Variants in PTPRU observed in about 807,000 individuals in gnomAD.
PTPRU encodes receptor-type tyrosine-protein phosphatase U.
Under a neutral mutation model 166.3 loss-of-function variants are expected in PTPRU, and 69 were observed. That is an observed-to-expected ratio of 0.41 (90% CI 0.34 to 0.51). The LOEUF is 0.51. PTPRU is among the 20% of genes least tolerant of loss of function. The probability of loss-of-function intolerance (pLI) is 0.09; values close to 1 mark genes in which losing one functional copy is unlikely to be tolerated. For synonymous variants in PTPRU, 793 were observed against 814.0 expected (o/e 0.97, Z 0.44); for missense variants, 1,657 against 2,013.7 (o/e 0.82, Z 3.39).
chr1:29,245,367 C>A (rs1201758735), intron 1 of PTPRU, among the ~76,000 whole-genome samples: 3 of 152,080 alleles, frequency 2.0e-5, no homozygotes, highest in Non-Finnish European at 2.9e-5. Flanking sequence ...GTGGGGTGAG[C>A]CAGCGTGGCC....
intron 1 of PTPRU, among the ~76,000 whole-genome samples, chr1:29,246,492 A>G (rs1684303768): frequency 6.6e-6 from 1 of 152,232 alleles, no homozygotes; most frequent in African/African-American, 2.4e-5. Flanking sequence ...GCATTCGTGC[A>G]CTGCACAGGA....
chr1:29,305,569 C>T, intron 18 of PTPRU, 141 bp downstream of exon 18: 1 of 888,570 alleles, frequency 1.1e-6, no homozygotes, highest in South Asian at 1.3e-5. Context: ...CAGTCAGTGC[C>T]AGGGAGCTCA....
At chr1:29,255,522 C>A in intron 2 of PTPRU, 116 bp downstream of exon 2, 2 of 1,417,996 alleles carry the variant, frequency 1.4e-6, no homozygotes, top group Non-Finnish European at 9.8e-7. Context: ...TCTACATTTG[C>A]ATCTTTAATG....
chr1:29,250,628 A>G (rs1684506681), intron 1 of PTPRU, among the ~76,000 whole-genome samples: 1 of 152,220 alleles, frequency 6.6e-6, no homozygotes, highest in South Asian at 2.1e-4. Context: ...ATTGATGTGT[A>G]TATGTGCATG....
chr1:29,279,903 C>T lies in PTPRU; in HGVS notation c.1766-136C>T. On this transcript the variant is annotated intron_variant, in intron 10 of 29. Transcript: ENST00000373779. This position sits in a 1 kb window ranked among gnomAD's most constrained non-coding sequence, Gnocchi z 5.2. ...CCTGAGGTCAGGGGCCAGGGTAGCTCAGGTCATGTCAGCAGGAACAAAGAG... is the reference window on the plus strand; with the variant it reads ...CCTGAGGTCAGGGGCCAGGGTAGCTTAGGTCATGTCAGCAGGAACAAAGAG... 9.9e-7 allele frequency: 1 copy of T among 1,012,462 alleles called. No homozygotes were observed. The highest frequency in any genetic ancestry group is 1.5e-6 in the Non-Finnish European group (1 of 685,524). The allele number at this position is 1,012,462 out of a possible 1,614,324, so 62.7% of individuals were successfully genotyped here. A position where few individuals can be genotyped will look rare whatever the true frequency, so the allele number is the denominator to read the frequency against.
intron 25 of PTPRU, among the ~76,000 whole-genome samples, chr1:29,319,794 T>G (rs1557488413): frequency 6.6e-6 from 1 of 150,404 alleles, no homozygotes; most frequent in Non-Finnish European, 1.5e-5. Flanking sequence ...TGCCAGCCCC[T>G]AGGTCAGGAG....
chr1:29,249,654 G>A (rs998450214), intron 1 of PTPRU, among the ~76,000 whole-genome samples: 1 of 152,178 alleles, frequency 6.6e-6, no homozygotes, highest in African/African-American at 2.4e-5. Flanking sequence ...TGTGATTGGA[G>A]GGTGTGCCGT....
chr1:29,261,621 C>G (rs1322254828), intron 7 of PTPRU, among the ~76,000 whole-genome samples: 1 of 152,186 alleles, frequency 6.6e-6, no homozygotes. Flanking sequence ...CCTCCGCCTC[C>G]TGGGTTCAAG....
Position 29,260,668 on chromosome 1 carries a change from C to G in PTPRU, c.909C>G (p.Ile303Met). The change falls in exon 7 of 30, where the codon ATC (isoleucine) becomes ATG (methionine). Residue 303 changes from isoleucine to methionine, a missense_variant. By Grantham distance (10) the Ile-to-Met change is conservative. Transcript: ENST00000373779. This position sits in a 1 kb window ranked among gnomAD's most constrained non-coding sequence, Gnocchi z 8.3. ...TGCGTGCTGGCCCCACCTACCTCAT[C>G]ATCCAGCTCAACACCAACTCCATCA... ...QLLRAGPTYL[I>M]IQLNTNSIIG... 1.3e-6 allele frequency: 2 copies of G among 1,541,714 alleles called. No individual in the cohort carries two copies. The highest frequency in any genetic ancestry group is 1.8e-6 in the Non-Finnish European group (2 of 1,140,792).
intron 18 of PTPRU, among the ~76,000 whole-genome samples, chr1:29,308,037 A>G (rs907456330): frequency 6.6e-6 from 1 of 152,048 alleles, no homozygotes; most frequent in African/African-American, 2.4e-5. Context: ...GATTACAGGC[A>G]TGAGCCACCA....
intron 25 of PTPRU, among the ~76,000 whole-genome samples, chr1:29,319,486 G>C (rs1225237290): frequency 6.6e-6 from 1 of 152,234 alleles, no homozygotes; most frequent in African/African-American, 2.4e-5. Flanking sequence ...TTCTCAGACA[G>C]GCCCTGAACT....
intron 15 of PTPRU, among the ~76,000 whole-genome samples, chr1:29,293,720 T>A (rs970856986): frequency 2.6e-5 from 4 of 151,314 alleles, no homozygotes; most frequent in African/African-American, 9.7e-5. Flanking sequence ...GTGATCCACC[T>A]GCCTCGACCT....
Position 29,291,765 on chromosome 1 carries a change from G to C in PTPRU, c.2319-104G>C. ...AGAGATGCTTCTAGGACAGCTGCTG[G>C]CTCCTGGCCTTGAGGTCCCCTTACT... On this transcript the variant is annotated intron_variant, in intron 14 of 29. Coordinates refer to ENST00000373779, the MANE Select transcript of PTPRU (RefSeq NM_133178.4). This position sits in a 1 kb window ranked among gnomAD's most constrained non-coding sequence, Gnocchi z 4.1. The C allele has an allele frequency of 8.2e-7, 1 of 1,221,082 alleles. No homozygotes were observed. The highest frequency in any genetic ancestry group is 1.2e-6 in the Non-Finnish European group (1 of 868,150). 75.6% of individuals were successfully genotyped at this position (1,221,082 alleles called of 1,614,324 possible).
chr1:29,305,662 A>T, intron 18 of PTPRU: 7 of 711,058 alleles, frequency 9.8e-6, no homozygotes, highest in Non-Finnish European at 1.8e-5. Context: ...GCTTTAGAGA[A>T]GCAAAGCAAA....
chr1:29,270,197 T>C (rs893840044), intron 7 of PTPRU, among the ~76,000 whole-genome samples: 2 of 152,158 alleles, frequency 1.3e-5, no homozygotes, highest in African/African-American at 4.8e-5. Flanking sequence ...TACTATAGAC[T>C]GGTAATGACT....
intron 14 of PTPRU, among the ~76,000 whole-genome samples, chr1:29,287,613 T>A (rs78414036): frequency 5.3e-5 from 8 of 150,790 alleles, no homozygotes; most frequent in Admixed American, 1.3e-4. Flanking sequence ...TTTTTTTTTT[T>A]AAATGGACTC....
intron 18 of PTPRU, among the ~76,000 whole-genome samples, chr1:29,307,745 T>G (rs1687458550): frequency 7.0e-6 from 1 of 141,942 alleles, no homozygotes; most frequent in Non-Finnish European, 1.5e-5. Flanking sequence ...TTTTAAATAT[T>G]ATGCTTTTTT....
At chr1:29,290,280 T>C (rs1174951076) in intron 14 of PTPRU, among the ~76,000 whole-genome samples, 1 of 152,194 alleles carries the variant, frequency 6.6e-6, no homozygotes, top group Non-Finnish European at 1.5e-5. Flanking sequence ...CCAAGCCCTG[T>C]GCTCAGTTCT....
Position 29,325,709 on chromosome 1 carries a change from C to A in PTPRU, c.*48C>A, listed in dbSNP as rs1283883161. Reference sequence around the variant, plus strand: ...CACTGCACACTCAGGGCCAGACCCACCATCCTGGACTGGCGAGGAAGATCA... The same window carrying A: ...CACTGCACACTCAGGGCCAGACCCAACATCCTGGACTGGCGAGGAAGATCA... On this transcript the variant is annotated 3_prime_UTR_variant, in exon 30 of 30. Transcript: ENST00000373779. 9 of 1,495,112 alleles carry A rather than the reference C, an allele frequency of 6.0e-6. No individual in the cohort carries two copies. In the South Asian group the frequency reaches 1.1e-4, roughly 19 times the overall value. 92.6% of individuals were successfully genotyped at this position (1,495,112 alleles called of 1,614,324 possible).
Sources: gnomAD v4.1 joint callset for allele counts (sites outside exome capture counted in the v4.1 genomes callset) on GRCh38, gnomAD v4.1.1 for gene constraint, Gnocchi (gnomAD v3.1) non-coding constraint, MANE v1.5 for transcripts, NCBI Gene and HGNC (gene_info 2026-07-23, HGNC 2026-07-21) for gene names.